Variants in KHDRBS2 observed in about 807,000 individuals in gnomAD.
KHDRBS2 encodes KH domain-containing, RNA-binding, signal transduction-associated protein 2.
In KHDRBS2, 26 loss-of-function variants were observed where a neutral mutation model predicts 44.3. The ratio of observed to expected loss-of-function variants is 0.59; its 90% CI spans 0.43 to 0.81. The LOEUF (loss-of-function observed/expected upper bound fraction) is 0.81. Ranked by LOEUF, KHDRBS2 falls within the 40% of genes least tolerant of loss-of-function variation. The pLI is 0.00. For synonymous variants in KHDRBS2, 194 were observed against 151.1 expected, an observed-to-expected ratio of 1.28 and a Z score of -2.08; for missense variants, 476 against 433.1, an observed-to-expected ratio of 1.10 and a Z score of -0.88.
intron 6 of KHDRBS2, among the ~76,000 whole-genome samples, chr6:61,891,737 G>T (rs1468252987): frequency 6.6e-6 from 1 of 152,160 alleles, no homozygotes; most frequent in Non-Finnish European, 1.5e-5. Flanking sequence ...ATTAGGTATT[G>T]ATGGGATATA....
intron 1 of KHDRBS2, among the ~76,000 whole-genome samples, chr6:62,254,096 T>A (rs1836988435): frequency 1.3e-5 from 2 of 152,022 alleles, no homozygotes; most frequent in Admixed American, 6.6e-5. Context: ...GGAACAGTGT[T>A]GAAAAAATAA....
intron 2 of KHDRBS2, among the ~76,000 whole-genome samples, chr6:62,106,180 G>A (rs1435306588): frequency 6.6e-6 from 1 of 152,104 alleles, no homozygotes; most frequent in Non-Finnish European, 1.5e-5. Flanking sequence ...CATTTGCTGA[G>A]GAGAGCTTTA....
At chr6:61,772,379 G>A (rs1781078550) in intron 6 of KHDRBS2, among the ~76,000 whole-genome samples, 1 of 152,104 alleles carries the variant, frequency 6.6e-6, no homozygotes, top group South Asian at 2.1e-4. Flanking sequence ...ATGAATCCAG[G>A]AGCTGCTTTT....
intron 3 of KHDRBS2, among the ~76,000 whole-genome samples, chr6:62,018,923 A>T (rs1781750212): frequency 6.6e-6 from 1 of 152,078 alleles, no homozygotes; most frequent in East Asian, 1.9e-4. Flanking sequence ...TGTGCACATA[A>T]TTTTTCTAAT....
At chr6:62,041,247 C>G (rs927775267) in intron 3 of KHDRBS2, among the ~76,000 whole-genome samples, 17 of 152,032 alleles carry the variant, frequency 1.1e-4, no homozygotes, top group Non-Finnish European at 5.9e-5. Context: ...AGGAGAATCA[C>G]TTGAACCCAG....
At chr6:62,273,969 T>C (rs1840502847) in intron 1 of KHDRBS2, among the ~76,000 whole-genome samples, 1 of 152,120 alleles carries the variant, frequency 6.6e-6, no homozygotes, top group Non-Finnish European at 1.5e-5. Context: ...AAATGGAGTC[T>C]CTGTCACCCA....
chr6:61,687,294 T>C (rs2127540283), intron 8 of KHDRBS2, among the ~76,000 whole-genome samples: 1 of 151,818 alleles, frequency 6.6e-6, no homozygotes, highest in African/African-American at 2.4e-5. Flanking sequence ...TTATCACTCT[T>C]TCAAATTTTT....
At chr6:61,696,216 G>A (rs1767882062) in intron 8 of KHDRBS2, among the ~76,000 whole-genome samples, 1 of 142,080 alleles carries the variant, frequency 7.0e-6, no homozygotes, top group Non-Finnish European at 1.6e-5. Context: ...AAGGTGGTCA[G>A]CTAGTGATGC....
At chr6:61,672,231 A>C in the KHDRBS2 span, among the ~76,000 whole-genome samples, 6,314 of 150,984 alleles carry the variant, frequency 0.042, 189 homozygotes, top group Middle Eastern at 0.082. Context: ...ACATTTTCTT[A>C]ATCCAGTCTA....
intron 2 of KHDRBS2, among the ~76,000 whole-genome samples, chr6:62,108,745 C>T (rs187425965): frequency 5.3e-5 from 8 of 152,304 alleles, no homozygotes; most frequent in Non-Finnish European, 8.8e-5. Flanking sequence ...GGCATATATA[C>T]ACCATGGAAT....
chr6:62,143,172 T>C (rs1424328869), intron 2 of KHDRBS2, among the ~76,000 whole-genome samples: 1 of 151,920 alleles, frequency 6.6e-6, no homozygotes. Flanking sequence ...ATATACTTGA[T>C]GTTTCAGTCT....
the KHDRBS2 span, among the ~76,000 whole-genome samples, chr6:61,564,304 G>T: frequency 6.6e-6 from 1 of 152,034 alleles, no homozygotes; most frequent in Non-Finnish European, 1.5e-5. Flanking sequence ...CTGTCCTTCA[G>T]AAACCTTAAT....
chr6:62,101,767 A>G (rs949599329), intron 2 of KHDRBS2, among the ~76,000 whole-genome samples: 1 of 152,222 alleles, frequency 6.6e-6, no homozygotes, highest in African/African-American at 2.4e-5. Flanking sequence ...TAGGAATGTT[A>G]ATTTTTGTAT....
intron 1 of KHDRBS2, among the ~76,000 whole-genome samples, chr6:62,253,448 A>G (rs1836866474): frequency 6.6e-6 from 1 of 151,912 alleles, no homozygotes; most frequent in African/African-American, 2.4e-5. Flanking sequence ...AAAATTCATT[A>G]GGGCAATCTC....
At chr6:62,202,724 G>GT (rs900331684) in intron 1 of KHDRBS2, among the ~76,000 whole-genome samples, 14 of 152,000 alleles carry the variant, frequency 9.2e-5, no homozygotes, top group African/African-American at 3.4e-4. Context: ...CATGATCATG[G>GT]TAAGTGCCAC....
intron 1 of KHDRBS2, among the ~76,000 whole-genome samples, chr6:62,282,504 T>C (rs922881592): frequency 6.6e-6 from 1 of 152,120 alleles, no homozygotes; most frequent in Non-Finnish European, 1.5e-5. Flanking sequence ...CCTAGGAGTA[T>C]GGAATCACCA....
At chr6:61,840,846 C>T (rs1793492759) in intron 6 of KHDRBS2, among the ~76,000 whole-genome samples, 1 of 152,246 alleles carries the variant, frequency 6.6e-6, no homozygotes, top group Non-Finnish European at 1.5e-5. Context: ...TCTGTCTAAG[C>T]TCTCATGTTT....
chr6:62,096,757 G>C (rs975736599), intron 2 of KHDRBS2, among the ~76,000 whole-genome samples: 6 of 151,398 alleles, frequency 4.0e-5, no homozygotes, highest in Non-Finnish European at 7.4e-5. Flanking sequence ...CTGTTTATTT[G>C]GGTTTGGTAC....
chr6:61,863,221 A>C (rs1202473819), intron 6 of KHDRBS2, among the ~76,000 whole-genome samples: 1 of 149,756 alleles, frequency 6.7e-6, no homozygotes, highest in East Asian at 1.9e-4. Flanking sequence ...TTATTTTTTC[A>C]AAAAACCAAC....
Sources: allele counts gnomAD v4.1 joint callset (sites outside exome capture counted in the v4.1 genomes callset), GRCh38; gene constraint gnomAD v4.1.1; transcripts MANE v1.5; gene names NCBI Gene and HGNC (gene_info 2026-07-23, HGNC 2026-07-21).